Variants in NCKAP5 observed in about 807,000 individuals in gnomAD.
NCKAP5 encodes the protein NCK associated protein 5, also known as nck-associated protein 5.
In NCKAP5, 92 loss-of-function variants were observed where a neutral mutation model predicts 167.0. The observed-to-expected ratio is 0.55, with a 90% CI of 0.47 to 0.66. The LOEUF (loss-of-function observed/expected upper bound fraction) is 0.66. Ranked by LOEUF, NCKAP5 falls within the 30% of genes least tolerant of loss-of-function variation. The probability of loss-of-function intolerance (pLI) is 0.00; values close to 1 mark genes in which losing one functional copy is unlikely to be tolerated. For synonymous variants in NCKAP5, 891 were observed against 877.4 expected (o/e 1.02, Z -0.27); for missense variants, 2,378 against 2,315.0 (o/e 1.03, Z -0.56).
At chr2:133,503,581 T>G (rs1682731021) in intron 3 of NCKAP5, among the ~76,000 whole-genome samples, 1 of 152,190 alleles carries the variant, frequency 6.6e-6, no homozygotes, top group Admixed American at 6.6e-5. Context: ...GGCAGTGATC[T>G]TTGGTTGGAC....
chr2:133,311,105 G>A (rs1057417143), intron 3 of NCKAP5, among the ~76,000 whole-genome samples: 1 of 152,048 alleles, frequency 6.6e-6, no homozygotes, highest in African/African-American at 2.4e-5. Flanking sequence ...CTCAGGGTGA[G>A]GGCTCAGTCC....
chr2:133,637,193 A>G, the NCKAP5 span, among the ~76,000 whole-genome samples: 1 of 152,010 alleles, frequency 6.6e-6, no homozygotes, highest in Non-Finnish European at 1.5e-5. Context: ...CAATAATTTT[A>G]AAATACAGAT....
rs768521881 is a variant in NCKAP5 at position 132,999,622 on chromosome 2, C to G, written c.342-5383G>C. Among the ~76,000 whole-genome samples the G allele has an allele frequency of 6.5e-4, 99 of 152,312 alleles. No homozygotes were observed. In the Middle Eastern group the frequency reaches 0.017, roughly 26 times the overall value. Reference sequence around the variant, plus strand: ...TTGTAATCAGAGACTATGGATTGGACTTTGAAGACCTGGACTTATTCAATA... The same window carrying G: ...TTGTAATCAGAGACTATGGATTGGAGTTTGAAGACCTGGACTTATTCAATA... On this transcript the variant is annotated intron_variant, in intron 6 of 19. Coordinates refer to ENST00000409261, the MANE Select transcript of NCKAP5 (RefSeq NM_207363.3).
intron 3 of NCKAP5, among the ~76,000 whole-genome samples, chr2:133,468,431 G>T (rs543283179): frequency 6.7e-6 from 1 of 150,210 alleles, no homozygotes; most frequent in African/African-American, 2.5e-5. Flanking sequence ...TTACTTCCAA[G>T]TATGTGGTCA....
At chr2:133,470,012 A>G (rs1429924475) in intron 3 of NCKAP5, among the ~76,000 whole-genome samples, 4 of 152,118 alleles carry the variant, frequency 2.6e-5, no homozygotes, top group Non-Finnish European at 5.9e-5. Flanking sequence ...CTCTCAGCTC[A>G]ACAAAGTCAT....
chr2:133,213,193 T>C (rs2086282364), intron 5 of NCKAP5, among the ~76,000 whole-genome samples: 1 of 152,162 alleles, frequency 6.6e-6, no homozygotes, highest in African/African-American at 2.4e-5. Flanking sequence ...AATAACTGTA[T>C]TGATTTTTAG....
intron 6 of NCKAP5, among the ~76,000 whole-genome samples, chr2:133,059,616 T>A (rs1383443349): frequency 6.7e-6 from 1 of 149,398 alleles, no homozygotes; most frequent in East Asian, 2.0e-4. Context: ...GAGGATGCAG[T>A]AAGCTGCAAT....
At chr2:133,447,508 C>CCCCTTCCTTTCCCTTCCTTT (rs573957113) in intron 3 of NCKAP5, among the ~76,000 whole-genome samples, 2 of 142,192 alleles carry the variant, frequency 1.4e-5, no homozygotes, top group Non-Finnish European at 3.1e-5. Flanking sequence ...CCCTTCCTTT[C>CCCCTTCCTTTCCCTTCCTTT]CCCTTCCTTT....
chr2:132,944,542 C>T (rs1248954767), intron 8 of NCKAP5, among the ~76,000 whole-genome samples: 1 of 152,138 alleles, frequency 6.6e-6, no homozygotes, highest in Non-Finnish European at 1.5e-5. Flanking sequence ...GGCCACATAG[C>T]TGGTTAGCGC....
chr2:132,972,397 G>T (rs1210966566), intron 7 of NCKAP5, among the ~76,000 whole-genome samples: 2 of 152,120 alleles, frequency 1.3e-5, no homozygotes, highest in Non-Finnish European at 2.9e-5. Context: ...CAACAATGAA[G>T]GGAAACATGT....
intron 5 of NCKAP5, among the ~76,000 whole-genome samples, chr2:133,137,620 G>A (rs1390992210): frequency 6.6e-6 from 1 of 152,046 alleles, no homozygotes; most frequent in Non-Finnish European, 1.5e-5. Context: ...CACAGGTGAA[G>A]CACCCCATAT....
At chr2:133,419,777 C>T (rs13396930) in intron 3 of NCKAP5, among the ~76,000 whole-genome samples, 32,559 of 152,098 alleles carry the variant, frequency 0.21, 3,555 homozygotes, top group African/African-American at 0.24. Context: ...TCAGCAAAAT[C>T]ATTCACAATT....
At chr2:133,125,479 G>C (rs545128808) in intron 6 of NCKAP5, among the ~76,000 whole-genome samples, 29 of 152,120 alleles carry the variant, frequency 1.9e-4, no homozygotes, top group Non-Finnish European at 3.8e-4. Flanking sequence ...TTAGAGGAGT[G>C]GGGAGAGTGG....
At chr2:133,323,218 C>G (rs1201310876) in intron 3 of NCKAP5, among the ~76,000 whole-genome samples, 1 of 152,126 alleles carries the variant, frequency 6.6e-6, no homozygotes, top group Non-Finnish European at 1.5e-5. Context: ...TTCTTTAACT[C>G]TATTTCGTGA....
rs542748965 is a variant in NCKAP5 at position 132,835,030 on chromosome 2, C to T, written c.807+25462G>A. ...TGAGGGTTTTTATCATAAAGAAATGCTGAATTTTATCCATTTTTTTTCTGC... is the reference window on the plus strand; with the variant it reads ...TGAGGGTTTTTATCATAAAGAAATGTTGAATTTTATCCATTTTTTTTCTGC... On this transcript the variant is annotated intron_variant, in intron 11 of 19. Transcript: ENST00000409261. Among the ~76,000 whole-genome samples the T allele has an allele frequency of 1.4e-3, 210 of 152,146 alleles. 1 individual carries two copies. The highest frequency in any genetic ancestry group is 4.8e-3 in the African/African-American group (199 of 41,520).
At chr2:133,025,181 ATGATGT>A (rs1282767192) in intron 6 of NCKAP5, among the ~76,000 whole-genome samples, 1 of 152,226 alleles carries the variant, frequency 6.6e-6, no homozygotes, top group Non-Finnish European at 1.5e-5. Flanking sequence ...TGGTTGAAGT[ATGATGT>A]TGCAAGAAGA....
At chr2:133,294,966 AG>A (rs1175172301) in intron 4 of NCKAP5, among the ~76,000 whole-genome samples, 4 of 152,210 alleles carry the variant, frequency 2.6e-5, no homozygotes, top group African/African-American at 7.2e-5. Context: ...GGAAACCATC[AG>A]TTCCCCCGCC....
intron 3 of NCKAP5, among the ~76,000 whole-genome samples, chr2:133,464,547 G>A (rs188817463): frequency 7.2e-5 from 11 of 152,218 alleles, no homozygotes; most frequent in East Asian, 1.9e-4. Flanking sequence ...AAAATTAGCC[G>A]GGTGTGGTGG....
chr2:132,672,799 T>C lies in NCKAP5; in HGVS notation c.*490A>G, dbSNP rs1005161736. 2.0e-5 allele frequency: 5 copies of C among 250,748 alleles called. No individual in the cohort carries two copies. The highest frequency in any genetic ancestry group is 3.2e-5 in the Non-Finnish European group (5 of 157,984). The allele number at this position is 250,748 out of a possible 1,614,324, so 15.5% of individuals were successfully genotyped here. On this transcript the variant is annotated 3_prime_UTR_variant, in exon 20 of 20. Coordinates refer to ENST00000409261, the MANE Select transcript of NCKAP5 (RefSeq NM_207363.3). ...GTGCAAAATTAAGGATTCTGTATCA[T>C]AGATGTGTTTACGCTTAATCCTCTT... is the stretch of plus-strand genomic sequence containing the variant.
Sources: gnomAD v4.1 joint callset for allele counts (sites outside exome capture counted in the v4.1 genomes callset) on GRCh38, gnomAD v4.1.1 for gene constraint, MANE v1.5 for transcripts, NCBI Gene and HGNC (gene_info 2026-07-23, HGNC 2026-07-21) for gene names.